DPEP1: variants seen among roughly 807,000 people sequenced by gnomAD.
DPEP1 encodes the protein beta-lactamase.
A neutral mutation model predicts 42.3 loss-of-function variants in DPEP1; 50 were observed. The ratio of observed to expected loss-of-function variants is 1.18; its 90% CI spans 0.94 to 1.50. DPEP1 has a LOEUF of 1.50. DPEP1 is among the 40% of genes most tolerant of loss of function. DPEP1 has a pLI of 0.00. For missense variants in DPEP1, 663 were observed against 553.0 expected (o/e 1.20, Z -1.99); for synonymous variants, 297 against 234.0 (o/e 1.27, Z -2.46).
chr16:89,637,008 A>T (rs1597774397), intron 6 of DPEP1, 73 bp downstream of exon 6: 4 of 1,583,808 alleles, frequency 2.5e-6, no homozygotes, highest in Non-Finnish European at 3.4e-6. Context: ...AGAACAATGC[A>T]TCTCCTCACG....
intron 1 of DPEP1, among the ~76,000 whole-genome samples, chr16:89,624,815 G>A (rs1215844107): frequency 6.6e-6 from 1 of 152,162 alleles, no homozygotes; most frequent in African/African-American, 2.4e-5. Flanking sequence ...GATGACAGGT[G>A]TGAGCCACCC....
intron 1 of DPEP1, among the ~76,000 whole-genome samples, chr16:89,626,091 T>TGAGGCCCTGA (rs374348315): frequency 6.6e-6 from 1 of 152,176 alleles, no homozygotes; most frequent in Non-Finnish European, 1.5e-5. Context: ...CCCGCCACTG[T>TGAGGCCCTGA]GAGGCCCTGA....
Position 89,637,962 on chromosome 16 carries a change from T to G in DPEP1, c.1056T>G (p.Ala352=). ...LADNLLRVFE[A]VEQASNLTQA... Reference sequence around the variant, plus strand: ...ACAACCTGCTGAGGGTCTTCGAGGCTGTGGAACAGGTGAGGATGGGGTGGC... The same window carrying G: ...ACAACCTGCTGAGGGTCTTCGAGGCGGTGGAACAGGTGAGGATGGGGTGGC... Residue 352 remains alanine (A), a synonymous_variant, in exon 10 of 11, where the codon GCT becomes GCG. Coordinates refer to ENST00000690203, the MANE Select transcript of DPEP1 (RefSeq NM_001389466.1). The G allele has an allele frequency of 1.2e-6, 2 of 1,608,474 alleles. No homozygotes were observed. Among genetic ancestry groups the G allele is most frequent in the Non-Finnish European group, 1.7e-6 (2 of 1,178,050 alleles).
intron 2 of DPEP1, among the ~76,000 whole-genome samples, chr16:89,634,544 TCCC>T (rs201452164): frequency 2.0e-5 from 1 of 50,252 alleles, no homozygotes; most frequent in African/African-American, 9.1e-5. Flanking sequence ...CCTTCTCCTT[TCCC>T]CTTCCTTCTC....
chr16:89,623,386 C>T (rs528853839), intron 1 of DPEP1, among the ~76,000 whole-genome samples: 6 of 152,256 alleles, frequency 3.9e-5, no homozygotes, highest in African/African-American at 7.2e-5. Flanking sequence ...GTCGAGAGCC[C>T]GCTCACACAT....
At chr16:89,637,576 G>A in intron 8 of DPEP1, 24 bp downstream of exon 8, 1 of 1,612,802 alleles carries the variant, frequency 6.2e-7, no homozygotes, top group Non-Finnish European at 8.5e-7. Flanking sequence ...GAGCGGCCAA[G>A]GGGGCCGAAG....
At position 89,638,089 on chromosome 16, in the gene DPEP1, T is replaced by C. The variant is rs746836357; in HGVS notation, c.1103T>C (p.Ile368Thr). ...NLTQAPEEEPIPLDQLGGSCR... is the reference protein window; with the variant it reads ...NLTQAPEEEPTPLDQLGGSCR... Reference sequence around the variant, plus strand: ...ACACAGGCTCCCGAGGAGGAGCCCATCCCGCTGGACCAGCTGGGTGGCTCC... The same window carrying C: ...ACACAGGCTCCCGAGGAGGAGCCCACCCCGCTGGACCAGCTGGGTGGCTCC... The change falls in exon 11 of 11, where the codon ATC becomes ACC. Residue 368 changes from isoleucine to threonine, a missense_variant. Coordinates refer to ENST00000690203, the MANE Select transcript of DPEP1 (RefSeq NM_001389466.1). 3.7e-6 allele frequency: 6 copies of C among 1,612,296 alleles called. No individual in the cohort carries two copies. Among genetic ancestry groups the C allele is most frequent in the Non-Finnish European group, 5.1e-6 (6 of 1,179,842 alleles).
At chr16:89,633,576 AAC>A (rs1019351462) in intron 2 of DPEP1, among the ~76,000 whole-genome samples, 1 of 152,210 alleles carries the variant, frequency 6.6e-6, no homozygotes, top group African/African-American at 2.4e-5. Flanking sequence ...GGAAATGATT[AAC>A]AGTTACTCAT....
chr16:89,638,637 G>T (rs2059714664), downstream of DPEP1, among the ~76,000 whole-genome samples: 1 of 150,406 alleles, frequency 6.6e-6, no homozygotes, highest in African/African-American at 2.5e-5. Flanking sequence ...GTCACCTCCA[G>T]CCATGCACCG....
intron 1 of DPEP1, chr16:89,626,424 C>G (rs1438155369): frequency 1.3e-5 from 2 of 152,180 alleles, no homozygotes; most frequent in Non-Finnish European, 2.9e-5. Flanking sequence ...AATCTTGGCT[C>G]CCCGCAACCT....
intron 2 of DPEP1, among the ~76,000 whole-genome samples, chr16:89,633,814 C>A (rs575235302): frequency 7.5e-6 from 1 of 133,768 alleles, no homozygotes; most frequent in African/African-American, 2.8e-5. Flanking sequence ...CTGGAAACTG[C>A]AAGTGGAGGG....
chr16:89,627,544 C>T (rs1162164207), intron 1 of DPEP1, among the ~76,000 whole-genome samples: 1 of 151,216 alleles, frequency 6.6e-6, no homozygotes, highest in Non-Finnish European at 1.5e-5. Flanking sequence ...CACCGCACTC[C>T]AGCCTGGGTG....
chr16:89,632,563 G>T (rs557241790), intron 2 of DPEP1, among the ~76,000 whole-genome samples: 2 of 152,214 alleles, frequency 1.3e-5, no homozygotes, highest in African/African-American at 4.8e-5. Context: ...TGTGCTTGCC[G>T]CTTTTCCAGC....
At chr16:89,625,075 G>A (rs928976303) in intron 1 of DPEP1, among the ~76,000 whole-genome samples, 8 of 152,154 alleles carry the variant, frequency 5.3e-5, no homozygotes, top group Non-Finnish European at 1.2e-4. Context: ...GTTTTTGGAA[G>A]TTGGTGTTAA....
In DPEP1 at chr16:89,636,363, C is replaced by G. The variant is rs199613842; in HGVS notation, c.337C>G (p.Pro113Ala). 22 of 1,612,550 alleles carry G rather than the reference C, an allele frequency of 1.4e-5. No individual in the cohort carries two copies. The African/African-American group carries it at 2.8e-4, about 21-fold the overall frequency. The change falls in exon 4 of 11, where the codon CCG becomes GCG. Residue 113 changes from proline to alanine, a missense_variant. By Grantham distance (27) the Pro-to-Ala change is conservative. Transcript: ENST00000690203. ...GGTCCACCGCATGTGCCGGATGTAC[C>G]CGGAGACCTTCCTGTATGTCACCAG... The part of the protein sequence containing the change: ...DVVHRMCRMY[P>A]ETFLYVTSSA...
chr16:89,625,346 C>G (rs1176428981), intron 1 of DPEP1, among the ~76,000 whole-genome samples: 1 of 152,142 alleles, frequency 6.6e-6, no homozygotes, highest in East Asian at 1.9e-4. Context: ...GGGGAGGTAC[C>G]AGGCTCGTTT....
intron 2 of DPEP1, among the ~76,000 whole-genome samples, chr16:89,634,092 T>TTTTTC: frequency 1.8e-5 from 1 of 54,328 alleles, no homozygotes; most frequent in East Asian, 1.9e-3. Flanking sequence ...TCTCTTCTTC[T>TTTTTC]TTTTTTTTTT....
intron 2 of DPEP1, among the ~76,000 whole-genome samples, 199 bp from the exon 3 acceptor site, chr16:89,635,709 G>T (rs912663588): frequency 2.0e-5 from 3 of 152,172 alleles, no homozygotes. Context: ...TGCCCTGGGG[G>T]TGGGCACAGT....
Position 89,638,244 on chromosome 16 carries a change from C to CT in DPEP1, c.*25dup. ...GTGAAACCTGGGAGACCAGAGTCCCCTTTAGGGTTCCCGGAGCTCCGGGAA... is the reference window on the plus strand; with the variant it reads ...GTGAAACCTGGGAGACCAGAGTCCCCTTTTAGGGTTCCCGGAGCTCCGGGAA... On this transcript the variant is annotated 3_prime_UTR_variant, in exon 11 of 11. Coordinates refer to ENST00000690203, the MANE Select transcript of DPEP1 (RefSeq NM_001389466.1). 1 of 1,510,560 alleles carries CT rather than the reference C, an allele frequency of 6.6e-7. No individual in the cohort carries two copies. The highest frequency in any genetic ancestry group is 8.9e-7 in the Non-Finnish European group (1 of 1,126,148). The allele number at this position is 1,510,560 out of a possible 1,614,324, so 93.6% of individuals were successfully genotyped here.
Sources: gnomAD v4.1 joint callset for allele counts (sites outside exome capture counted in the v4.1 genomes callset) on GRCh38, gnomAD v4.1.1 for gene constraint, MANE v1.5 for transcripts, NCBI Gene and HGNC (gene_info 2026-07-23, HGNC 2026-07-21) for gene names.